Variants in DOCK11 observed in about 807,000 individuals in gnomAD.
The protein encoded by DOCK11 is dedicator of cytokinesis 11.
In DOCK11, 70 loss-of-function variants were observed where a neutral mutation model predicts 169.1. The ratio of observed to expected loss-of-function variants is 0.41; its 90% CI spans 0.34 to 0.51. The LOEUF (loss-of-function observed/expected upper bound fraction) is 0.51. Ranked by LOEUF, DOCK11 falls within the 20% of genes least tolerant of loss-of-function variation. DOCK11 has a pLI of 0.10. For synonymous variants in DOCK11, 529 were observed against 541.3 expected (o/e 0.98, Z 0.32); for missense variants, 1,166 against 1,538.8 (o/e 0.76, Z 4.05).
chrX:118,678,068 G>T (rs1308188575), intron 48 of DOCK11, among the ~76,000 whole-genome samples: 2 of 111,953 alleles, frequency 1.8e-5, no homozygotes, highest in Non-Finnish European at 3.8e-5. Context: ...AAGCAGTTCT[G>T]GCTTTTAAAA....
chrX:118,505,879 T>C (rs1223610238), intron 1 of DOCK11, among the ~76,000 whole-genome samples: 1 of 112,123 alleles, frequency 8.9e-6, no homozygotes, highest in Admixed American at 9.4e-5. Flanking sequence ...TTCAGTGTGA[T>C]TTATGCAAAG....
chrX:118,680,629 A>T lies in DOCK11; in HGVS notation c.5608A>T (p.Thr1870Ser). Residue 1870 changes from threonine (T) to serine (S), a missense_variant, in exon 49 of 53, where the codon ACT (threonine) becomes TCT (serine). Thr to Ser is a moderately conservative substitution (Grantham distance 58). Coordinates refer to ENST00000276202, the MANE Select transcript of DOCK11 (RefSeq NM_144658.4). ...CAGATTTGTTTTTGAGGCCCCTTAC[A>T]CTTTATCAGGCAAAAAACAGGGCTG... ...ISRFVFEAPYTLSGKKQGCIE... is the reference protein window; with the variant it reads ...ISRFVFEAPYSLSGKKQGCIE... 1.7e-6 allele frequency: 2 copies of T among 1,210,837 alleles called. No homozygotes were observed. Among genetic ancestry groups the T allele is most frequent in the East Asian group, 3.0e-5 (1 of 33,795 alleles).
At chrX:118,605,517 T>A (rs1454717158) in intron 24 of DOCK11, among the ~76,000 whole-genome samples, 161 bp downstream of exon 24, 1 of 112,767 alleles carries the variant, frequency 8.9e-6, no homozygotes, top group Non-Finnish European at 1.9e-5. Context: ...CAAGATATTT[T>A]AAATTTTCCC....
intron 28 of DOCK11, among the ~76,000 whole-genome samples, chrX:118,610,921 C>T (rs1052279695): frequency 3.6e-5 from 4 of 111,097 alleles, no homozygotes; most frequent in African/African-American, 1.3e-4. Context: ...CACCTGTAAT[C>T]CCAGCTACTT....
intron 44 of DOCK11, among the ~76,000 whole-genome samples, chrX:118,661,929 A>G (rs2016224216): frequency 8.9e-6 from 1 of 111,940 alleles, no homozygotes; most frequent in Non-Finnish European, 1.9e-5. Context: ...AGGCTAGTTT[A>G]TTTATTGGTA....
chrX:118,567,017 C>A, intron 9 of DOCK11, among the ~76,000 whole-genome samples: 1 of 111,895 alleles, frequency 8.9e-6, no homozygotes, highest in Non-Finnish European at 1.9e-5. Flanking sequence ...AATCTATGAC[C>A]AACATATGTT....
At chrX:118,617,778 G>C (rs1334574616) in intron 30 of DOCK11, among the ~76,000 whole-genome samples, 1 of 110,823 alleles carries the variant, frequency 9.0e-6, no homozygotes, top group Non-Finnish European at 1.9e-5. Flanking sequence ...AGCTACTTCA[G>C]AGGCTGAGGC....
At chrX:118,656,603 C>T (rs2016077619) in intron 44 of DOCK11, among the ~76,000 whole-genome samples, 1 of 111,832 alleles carries the variant, frequency 8.9e-6, no homozygotes, top group Admixed American at 9.5e-5. Flanking sequence ...ATATGAGAAC[C>T]TTAAACGGAG....
rs778940194 is a variant in DOCK11, at chrX:118,610,438, A to T, written c.3096+20A>T. 5.8e-6 allele frequency: 7 copies of T among 1,203,128 alleles called. No individual in the cohort carries two copies. The Admixed American group carries it at 1.3e-4, about 23-fold the overall frequency. ...CTGAAGGTGAGTTCAAGGCAGCTAG[A>T]ATGTGGTAAGGAACTCCTCTTCATT... On this transcript the variant is annotated intron_variant, in intron 28 of 52. Coordinates refer to ENST00000276202, the MANE Select transcript of DOCK11 (RefSeq NM_144658.4).
rs113070556 is a variant in DOCK11 at position 118,667,568 on chromosome X, C to T, written c.5077-3455C>T. ...GGATTCTCGGTTCTCTTCCACTGAT[C>T]TATTTGCCCATCTTGATGCCAATAT... On this transcript the variant is annotated intron_variant, in intron 45 of 52. Coordinates refer to ENST00000276202, the MANE Select transcript of DOCK11 (RefSeq NM_144658.4). 9.6e-3 allele frequency among the ~76,000 whole-genome samples: 1,063 copies of T among 110,850 alleles called. 17 individuals carry two copies. The highest frequency in any genetic ancestry group is 0.079 in the Middle Eastern group (17 of 216).
At chrX:118,662,869 C>T in intron 45 of DOCK11, 77 bp downstream of exon 45, 1 of 612,630 alleles carries the variant, frequency 1.6e-6, no homozygotes. Flanking sequence ...ACAATTATTA[C>T]AGCTAACCTA....
At chrX:118,529,047 G>C (rs370731495) in intron 1 of DOCK11, among the ~76,000 whole-genome samples, 3 of 107,586 alleles carry the variant, frequency 2.8e-5, no homozygotes, top group Non-Finnish European at 5.8e-5. Context: ...ATAGTGGCGC[G>C]ATCTCGGCTC....
At chrX:118,571,176 G>C (rs954871342) in intron 10 of DOCK11, among the ~76,000 whole-genome samples, 21 of 109,638 alleles carry the variant, frequency 1.9e-4, no homozygotes, top group Non-Finnish European at 4.0e-4. Context: ...TCTAAGTCAG[G>C]CCTCTCCCAT....
intron 3 of DOCK11, 36 bp from the exon 4 acceptor site, chrX:118,543,475 C>T (rs1248471677): frequency 9.2e-7 from 1 of 1,086,720 alleles, no homozygotes; most frequent in Admixed American, 2.2e-5. Flanking sequence ...TGTACTTTTC[C>T]TATATTTCAA....
intron 40 of DOCK11, among the ~76,000 whole-genome samples, chrX:118,648,128 T>TACA (rs2015826175): frequency 1.3e-5 from 1 of 76,872 alleles, no homozygotes; most frequent in Non-Finnish European, 2.3e-5. Flanking sequence ...TGTAATATTA[T>TACA]ATAATATAAT....
At chrX:118,501,410 C>T (rs1488849493) in intron 1 of DOCK11, among the ~76,000 whole-genome samples, 1 of 111,977 alleles carries the variant, frequency 8.9e-6, no homozygotes, top group Non-Finnish European at 1.9e-5. Context: ...CGCTTGAACC[C>T]AGGAGGTGGA....
intron 1 of DOCK11, among the ~76,000 whole-genome samples, chrX:118,507,988 C>A (rs543345997): frequency 9.2e-6 from 1 of 109,083 alleles, no homozygotes; most frequent in Non-Finnish European, 1.9e-5. Flanking sequence ...GTGATGATCT[C>A]GCTCTATTGG....
At chrX:118,647,815 TATATTATTATA>T in intron 40 of DOCK11, among the ~76,000 whole-genome samples, 2 of 52,242 alleles carry the variant, frequency 3.8e-5, no homozygotes, top group Non-Finnish European at 6.1e-5. Context: ...TAATATATAT[TATATTATTATA>T]ATATAATATT....
chrX:118,659,201 C>CT (rs1011952454), intron 44 of DOCK11, among the ~76,000 whole-genome samples: 1 of 111,604 alleles, frequency 9.0e-6, no homozygotes, highest in Non-Finnish European at 1.9e-5. Flanking sequence ...CCCCTTCCCA[C>CT]TTTTTTTCAC....
Sources: allele counts gnomAD v4.1 joint callset (sites outside exome capture counted in the v4.1 genomes callset), GRCh38; gene constraint gnomAD v4.1.1; transcripts MANE v1.5; gene names NCBI Gene and HGNC (gene_info 2026-07-23, HGNC 2026-07-21).